The following CCDC30 variants were observed in gnomAD, a reference collection of about 807,000 sequenced individuals.
CCDC30 encodes coiled-coil domain containing 30, also known as coiled-coil domain-containing protein 30.
CCDC30 carries 70 observed loss-of-function variants against 100.2 expected under a neutral mutation model. The ratio of observed to expected loss-of-function variants is 0.70; its 90% CI spans 0.58 to 0.85. The LOEUF (loss-of-function observed/expected upper bound fraction) is 0.85. Ranked by LOEUF, CCDC30 falls within the 40% of genes least tolerant of loss-of-function variation. The pLI, the probability that CCDC30 is intolerant of heterozygous loss-of-function variation, is 0.00. For synonymous variants in CCDC30, 233 were observed against 269.5 expected (o/e 0.86, Z 1.33); for missense variants, 652 against 771.2 (o/e 0.85, Z 1.83).
At chr1:42,570,787 G>A (rs1268906126) in intron 7 of CCDC30, among the ~76,000 whole-genome samples, 1 of 152,032 alleles carries the variant, frequency 6.6e-6, no homozygotes, top group Non-Finnish European at 1.5e-5. Context: ...ATAGTGTATA[G>A]CCATTATTTA....
At chr1:42,512,868 C>T (rs1644500313) in intron 6 of CCDC30, among the ~76,000 whole-genome samples, 1 of 152,178 alleles carries the variant, frequency 6.6e-6, no homozygotes, top group South Asian at 2.1e-4. Flanking sequence ...TCTCCATGTT[C>T]TCCTCAGTAC....
chr1:42,629,315 G>GT (rs778565167), intron 11 of CCDC30, among the ~76,000 whole-genome samples: 1 of 152,196 alleles, frequency 6.6e-6, no homozygotes, highest in Non-Finnish European at 1.5e-5. Context: ...TAGGGTAAAA[G>GT]TTTTTTCCTT....
chr1:42,519,914 A>G (rs1360411176), intron 6 of CCDC30, among the ~76,000 whole-genome samples: 2 of 152,174 alleles, frequency 1.3e-5, no homozygotes, highest in East Asian at 1.9e-4. Flanking sequence ...GCAATTATTC[A>G]TAGTACACTC....
downstream of CCDC30, among the ~76,000 whole-genome samples, chr1:42,655,826 T>C (rs1648638262): frequency 6.6e-6 from 1 of 150,960 alleles, no homozygotes; most frequent in Non-Finnish European, 1.5e-5. Context: ...GGATGTTCTA[T>C]AAATTAAACG....
chr1:42,564,034 G>T (rs1645554318), intron 6 of CCDC30, among the ~76,000 whole-genome samples: 1 of 152,122 alleles, frequency 6.6e-6, no homozygotes, highest in South Asian at 2.1e-4. Context: ...GGACTTGAGG[G>T]CTTCTGTGTT....
rs140664381 is a variant in CCDC30, at chr1:42,574,435, G to A, written c.637-2585G>A. On this transcript the variant is annotated intron_variant, in intron 7 of 16. Transcript: ENST00000668663. ...TTTAAAATGTATATATTTTAACAAA[G>A]GTAGCTTTTGAAAAAAAGAAGAAAA... Among the ~76,000 whole-genome samples the A allele has an allele frequency of 7.0e-3, 1,066 of 151,328 alleles. 11 individuals carry two copies. Among genetic ancestry groups the A allele is most frequent in the Middle Eastern group, 0.02 (6 of 294 alleles).
At chr1:42,535,871 A>G (rs1644895268) in intron 6 of CCDC30, among the ~76,000 whole-genome samples, 1 of 148,714 alleles carries the variant, frequency 6.7e-6, no homozygotes. Context: ...TACATAACAG[A>G]AAATTCACTT....
At chr1:42,513,114 G>A (rs1383727758) in intron 6 of CCDC30, among the ~76,000 whole-genome samples, 1 of 152,106 alleles carries the variant, frequency 6.6e-6, no homozygotes, top group Non-Finnish European at 1.5e-5. Flanking sequence ...CATTGTCTGG[G>A]GAAATATCCA....
At chr1:42,565,296 G>A (rs1049168357) in intron 6 of CCDC30, among the ~76,000 whole-genome samples, 3 of 152,090 alleles carry the variant, frequency 2.0e-5, no homozygotes, top group African/African-American at 7.2e-5. Context: ...CGTCTGATAA[G>A]GGGTTAATAC....
At chr1:42,584,641 G>A (rs1414663611) in intron 9 of CCDC30, among the ~76,000 whole-genome samples, 1 of 152,152 alleles carries the variant, frequency 6.6e-6, no homozygotes, top group Non-Finnish European at 1.5e-5. Context: ...TATAATATTG[G>A]ATGTTATTGT....
At chr1:42,586,291 T>G (rs1016976577) in intron 9 of CCDC30, among the ~76,000 whole-genome samples, 5 of 151,908 alleles carry the variant, frequency 3.3e-5, no homozygotes, top group African/African-American at 1.2e-4. Flanking sequence ...TGCAGAACCT[T>G]AGATTTTGTT....
At chr1:42,617,492 GAA>G (rs780747028) in intron 11 of CCDC30, among the ~76,000 whole-genome samples, 4 of 152,166 alleles carry the variant, frequency 2.6e-5, no homozygotes, top group Non-Finnish European at 5.9e-5. Flanking sequence ...TTGCAAGACA[GAA>G]AAAGATTAAT....
At chr1:42,502,006 G>A (rs1351293143) in intron 6 of CCDC30, among the ~76,000 whole-genome samples, 1 of 152,232 alleles carries the variant, frequency 6.6e-6, no homozygotes, top group Non-Finnish European at 1.5e-5. Flanking sequence ...GTTTAAGTCT[G>A]CAGAAGTTTC....
chr1:42,540,297 G>T (rs1644986505), intron 6 of CCDC30, among the ~76,000 whole-genome samples: 1 of 152,132 alleles, frequency 6.6e-6, no homozygotes, highest in Non-Finnish European at 1.5e-5. Context: ...AGGGTTTGCT[G>T]CCTGGGAGAG....
At chr1:42,466,920 A>G (rs1313056606) in intron 1 of CCDC30, among the ~76,000 whole-genome samples, 1 of 152,198 alleles carries the variant, frequency 6.6e-6, no homozygotes, top group African/African-American at 2.4e-5. Flanking sequence ...CAGAGCATTT[A>G]TAATTTAGTT....
chr1:42,560,361 A>ATTG (rs913606834), intron 6 of CCDC30, among the ~76,000 whole-genome samples: 5 of 151,878 alleles, frequency 3.3e-5, no homozygotes, highest in East Asian at 3.9e-4. Context: ...AGCTGTTTTT[A>ATTG]TTGTTGTTGT....
intron 6 of CCDC30, among the ~76,000 whole-genome samples, chr1:42,514,623 A>G (rs913245946): frequency 3.3e-5 from 5 of 151,940 alleles, no homozygotes; most frequent in Non-Finnish European, 5.9e-5. Context: ...AGCTCTTTAT[A>G]TATTTTGTAT....
downstream of CCDC30, among the ~76,000 whole-genome samples, chr1:42,656,011 T>C (rs962195713): frequency 6.6e-6 from 1 of 151,648 alleles, no homozygotes. Flanking sequence ...AGTACAGGCA[T>C]GTGCTACCAT....
chr1:42,559,258 GCATCATGATAACAGGATAA>G (rs1645436058), intron 6 of CCDC30, among the ~76,000 whole-genome samples: 1 of 152,066 alleles, frequency 6.6e-6, no homozygotes, highest in South Asian at 2.1e-4. Context: ...TAATCAAATA[GCATCATGATAACAGGATAA>G]GATTCACACA....
Sources: gnomAD v4.1 joint callset for allele counts (sites outside exome capture counted in the v4.1 genomes callset) on GRCh38, gnomAD v4.1.1 for gene constraint, MANE v1.5 for transcripts, NCBI Gene and HGNC (gene_info 2026-07-23, HGNC 2026-07-21) for gene names.